DLG2: variants seen among roughly 807,000 people sequenced by gnomAD.
DLG2 encodes the protein discs large MAGUK scaffold protein 2, also known as disks large homolog 2.
In DLG2, 45 loss-of-function variants were observed where a neutral mutation model predicts 132.5. That is an observed-to-expected ratio of 0.34 (90% CI 0.27 to 0.44). DLG2 has a LOEUF of 0.44. Ranked by LOEUF, DLG2 falls within the 20% of genes least tolerant of loss-of-function variation. The pLI is 1.00. For missense variants in DLG2, 1,045 were observed against 1,196.9 expected (o/e 0.87, Z 1.87); for synonymous variants, 424 against 419.6 (o/e 1.01, Z -0.13).
intron 19 of DLG2, among the ~76,000 whole-genome samples, chr11:83,586,891 T>C (rs2097095450): frequency 1.3e-5 from 2 of 152,196 alleles, no homozygotes; most frequent in Non-Finnish European, 2.9e-5. Flanking sequence ...TTATCATGAA[T>C]TCACACCAGG....
At chr11:85,102,441 G>A (rs1169181144) in intron 6 of DLG2, among the ~76,000 whole-genome samples, 1 of 151,946 alleles carries the variant, frequency 6.6e-6, no homozygotes, top group Non-Finnish European at 1.5e-5. Flanking sequence ...AGAAAGTCAG[G>A]CATGGATTAT....
chr11:85,129,152 C>T (rs751252402), intron 5 of DLG2, among the ~76,000 whole-genome samples: 5 of 152,170 alleles, frequency 3.3e-5, no homozygotes, highest in African/African-American at 9.7e-5. Flanking sequence ...AAGAGTTAAA[C>T]TTGAAACTGG....
intron 7 of DLG2, among the ~76,000 whole-genome samples, chr11:84,504,630 G>A (rs1168640222): frequency 2.1e-5 from 1 of 46,808 alleles, no homozygotes; most frequent in African/African-American, 8.1e-5. Context: ...AAGAAATTGT[G>A]TAATTTTTTT....
chr11:84,955,162 A>G (rs79096934), intron 6 of DLG2, among the ~76,000 whole-genome samples: 2,994 of 152,350 alleles, frequency 0.02, 55 homozygotes, highest in Admixed American at 0.042. Flanking sequence ...TGAGGGAAGA[A>G]TATTACTTGT....
chr11:85,156,106 G>A (rs1465072829), intron 4 of DLG2, among the ~76,000 whole-genome samples: 4 of 152,140 alleles, frequency 2.6e-5, no homozygotes, highest in Non-Finnish European at 5.9e-5. Context: ...GATTGTGACA[G>A]GAGAGAAATT....
chr11:84,022,397 A>G (rs968398787), intron 11 of DLG2, among the ~76,000 whole-genome samples: 3 of 152,160 alleles, frequency 2.0e-5, no homozygotes, highest in Admixed American at 1.3e-4. Context: ...AGTCTTTTTG[A>G]CATTTACTCC....
intron 6 of DLG2, among the ~76,000 whole-genome samples, chr11:84,638,363 A>T (rs940031642): frequency 1.3e-5 from 2 of 152,234 alleles, no homozygotes; most frequent in Non-Finnish European, 2.9e-5. Context: ...TGATATCAGC[A>T]TTTAGTGTGG....
chr11:84,026,163 A>C (rs2095530107), intron 11 of DLG2, among the ~76,000 whole-genome samples: 1 of 152,092 alleles, frequency 6.6e-6, no homozygotes, highest in Non-Finnish European at 1.5e-5. Context: ...GTTGTAAGAC[A>C]TAAGGAATGA....
intron 19 of DLG2, among the ~76,000 whole-genome samples, chr11:83,574,300 T>C (rs2096842293): frequency 1.3e-5 from 2 of 152,168 alleles, no homozygotes; most frequent in Non-Finnish European, 2.9e-5. Context: ...CTTCAATCAA[T>C]TTAAATTTCC....
At chr11:85,045,952 G>A (rs1301591949) in intron 6 of DLG2, among the ~76,000 whole-genome samples, 1 of 151,990 alleles carries the variant, frequency 6.6e-6, no homozygotes, top group African/African-American at 2.4e-5. Flanking sequence ...GTCTCTAAAC[G>A]AATCAAATGA....
intron 7 of DLG2, among the ~76,000 whole-genome samples, chr11:84,481,023 G>A (rs2099136052): frequency 6.6e-6 from 1 of 152,026 alleles, no homozygotes; most frequent in Non-Finnish European, 1.5e-5. Flanking sequence ...ACAGGTGTGA[G>A]CCACTGTGCC....
chr11:85,446,997 G>A (rs1180115145), intron 3 of DLG2, among the ~76,000 whole-genome samples: 1 of 151,944 alleles, frequency 6.6e-6, no homozygotes, highest in Non-Finnish European at 1.5e-5. Context: ...AAAAGAGAAA[G>A]GCAACACAGT....
intron 6 of DLG2, among the ~76,000 whole-genome samples, chr11:85,072,262 G>T (rs2065969212): frequency 6.6e-6 from 1 of 151,766 alleles, no homozygotes; most frequent in Admixed American, 6.6e-5. Flanking sequence ...CTGAACCAGG[G>T]TATACAGCAT....
At chr11:85,402,964 C>T (rs1314104085) in intron 3 of DLG2, among the ~76,000 whole-genome samples, 1 of 152,148 alleles carries the variant, frequency 6.6e-6, no homozygotes, top group East Asian at 1.9e-4. Flanking sequence ...ACTGGCAATA[C>T]CATCTGACCC....
chr11:83,853,783 T>C (rs995804216), intron 16 of DLG2, among the ~76,000 whole-genome samples: 11 of 151,876 alleles, frequency 7.2e-5, no homozygotes, highest in African/African-American at 2.7e-4. Context: ...TGCCTAATGG[T>C]AAAAAAAACT....
chr11:84,907,918 C>T (rs1591066636), intron 6 of DLG2, among the ~76,000 whole-genome samples: 2 of 152,218 alleles, frequency 1.3e-5, no homozygotes, highest in East Asian at 3.9e-4. Flanking sequence ...CTCAAAGTTC[C>T]CTTTTAAATC....
chr11:85,492,298 A>G (rs1597880394), intron 3 of DLG2, among the ~76,000 whole-genome samples: 1 of 152,214 alleles, frequency 6.6e-6, no homozygotes, highest in Non-Finnish European at 1.5e-5. Flanking sequence ...TTCTGCACCA[A>G]GCTATAAAAT....
intron 7 of DLG2, among the ~76,000 whole-genome samples, chr11:84,350,107 G>A (rs983421462): frequency 6.6e-6 from 1 of 151,214 alleles, no homozygotes; most frequent in Non-Finnish European, 1.5e-5. Context: ...GAACCCGGGA[G>A]GCGGAGCTTG....
At chr11:85,125,135 G>A (rs546379450) in intron 5 of DLG2, among the ~76,000 whole-genome samples, 18 of 152,260 alleles carry the variant, frequency 1.2e-4, no homozygotes, top group Non-Finnish European at 1.6e-4. Context: ...CAGCCTGAGC[G>A]CAGTAAATGT....
Sources: allele counts gnomAD v4.1 joint callset (sites outside exome capture counted in the v4.1 genomes callset), GRCh38; gene constraint gnomAD v4.1.1; transcripts MANE v1.5; gene names NCBI Gene and HGNC (gene_info 2026-07-23, HGNC 2026-07-21).